The following MAGI1 variants were observed in gnomAD, a reference collection of about 807,000 sequenced individuals.
MAGI1 encodes membrane-associated guanylate kinase, WW and PDZ domain-containing protein 1.
Under a neutral mutation model 139.9 loss-of-function variants are expected in MAGI1, and 58 were observed. That is an observed-to-expected ratio of 0.41 (90% CI 0.34 to 0.52). The LOEUF (loss-of-function observed/expected upper bound fraction) is 0.52, where lower values mean the gene tolerates loss of function less well. MAGI1 is among the 20% of genes least tolerant of loss of function. The probability of loss-of-function intolerance (pLI) is 0.12; values close to 1 mark genes in which losing one functional copy is unlikely to be tolerated. For synonymous variants in MAGI1, 812 were observed against 737.9 expected (o/e 1.10, Z -1.63); for missense variants, 1,874 against 1,901.6 (o/e 0.99, Z 0.27).
At chr3:66,036,108 T>C (rs2068903679) in intron 1 of MAGI1, among the ~76,000 whole-genome samples, 1 of 152,172 alleles carries the variant, frequency 6.6e-6, no homozygotes, top group South Asian at 2.1e-4. Context: ...TCCTATGCCT[T>C]CACACAGTAT....
Position 66,038,166 on chromosome 3 carries a change from G to A in MAGI1, c.143C>T (p.Ala48Val). ...GGGAAGCCCCGCTGCCTCGACCGCC[G>A]CCACCGCTCCGACGTACGGAAACTC... is the stretch of plus-strand genomic sequence containing the variant. Reference protein sequence around the residue: ...HGEFPYVGAVAAVEAAGLPGG... With the variant: ...HGEFPYVGAVVAVEAAGLPGG... The change falls in exon 1 of 23, where the codon GCG (alanine) becomes GTG (valine). Residue 48 changes from alanine to valine, a missense_variant. By Grantham distance (64) the Ala-to-Val change is moderately conservative (BLOSUM62 0). This residue lies in a region of MAGI1 where 648 missense variants were observed against 598.1 expected (regional missense o/e 1.08). Coordinates refer to ENST00000402939, the MANE Select transcript of MAGI1 (RefSeq NM_001033057.2). 6.2e-7 allele frequency: 1 copy of A among 1,611,862 alleles called. No homozygotes were observed. Among genetic ancestry groups the A allele is most frequent in the Non-Finnish European group, 8.5e-7 (1 of 1,179,436 alleles).
At chr3:65,741,236 G>A (rs993563778) in intron 1 of MAGI1, among the ~76,000 whole-genome samples, 4 of 151,334 alleles carry the variant, frequency 2.6e-5, no homozygotes, top group South Asian at 2.1e-4. Flanking sequence ...GTGCAGTGGC[G>A]CGATCTCGGC....
intron 1 of MAGI1, among the ~76,000 whole-genome samples, chr3:65,882,569 G>A (rs1274146234): frequency 6.6e-6 from 1 of 151,980 alleles, no homozygotes; most frequent in Non-Finnish European, 1.5e-5. Flanking sequence ...GGGGAAAAAA[G>A]GAGGAGGCAA....
chr3:65,918,308 T>C (rs929183567), intron 1 of MAGI1, among the ~76,000 whole-genome samples: 1 of 152,116 alleles, frequency 6.6e-6, no homozygotes, highest in East Asian at 1.9e-4. Flanking sequence ...ACTCTACTTT[T>C]GCTTCTCTTG....
At chr3:65,656,316 C>G (rs1025853904) in intron 1 of MAGI1, among the ~76,000 whole-genome samples, 4 of 152,164 alleles carry the variant, frequency 2.6e-5, no homozygotes, top group African/African-American at 9.7e-5. Context: ...GCCTGTGACA[C>G]TGAACTGGCA....
intron 1 of MAGI1, among the ~76,000 whole-genome samples, chr3:65,798,004 C>T (rs887832070): frequency 4.6e-5 from 7 of 152,078 alleles, no homozygotes; most frequent in Non-Finnish European, 8.8e-5. Context: ...TTCAATTCTT[C>T]ACCTTAAAAA....
chr3:65,912,053 G>C (rs1301192334), intron 1 of MAGI1, among the ~76,000 whole-genome samples: 1 of 152,156 alleles, frequency 6.6e-6, no homozygotes, highest in East Asian at 1.9e-4. Flanking sequence ...GATAGAACTT[G>C]AAAGGGAAAA....
intron 15 of MAGI1, 106 bp from the exon 16 acceptor site, chr3:65,382,175 C>A: frequency 2.1e-6 from 2 of 949,024 alleles, no homozygotes; most frequent in Non-Finnish European, 3.2e-6. Context: ...TGTCTGCAGG[C>A]ATGCCGCAAA....
chr3:65,761,579 G>A (rs1473551524), intron 1 of MAGI1, among the ~76,000 whole-genome samples: 1 of 152,110 alleles, frequency 6.6e-6, no homozygotes, highest in Non-Finnish European at 1.5e-5. Flanking sequence ...ACGCAGGGAG[G>A]TTAAGAGGAG....
At chr3:65,502,428 A>T (rs963647197) in intron 2 of MAGI1, among the ~76,000 whole-genome samples, 15 of 152,184 alleles carry the variant, frequency 9.9e-5, no homozygotes, top group Admixed American at 2.6e-4. Flanking sequence ...TTGGACTGTT[A>T]TAACAGAATA....
intron 2 of MAGI1, among the ~76,000 whole-genome samples, chr3:65,535,744 T>C (rs1379846543): frequency 6.6e-6 from 1 of 152,204 alleles, no homozygotes; most frequent in African/African-American, 2.4e-5. Context: ...AGGTTTTATT[T>C]GGCAAAATGA....
At chr3:65,640,144 T>C (rs1190469931) in intron 1 of MAGI1, among the ~76,000 whole-genome samples, 2 of 152,160 alleles carry the variant, frequency 1.3e-5, no homozygotes, top group Non-Finnish European at 2.9e-5. Flanking sequence ...GTCTTCAGCT[T>C]GTCATGTGCA....
intron 1 of MAGI1, among the ~76,000 whole-genome samples, chr3:65,817,956 A>G (rs1047240887): frequency 3.3e-5 from 5 of 152,208 alleles, no homozygotes; most frequent in Non-Finnish European, 7.3e-5. Flanking sequence ...AGACCATGGT[A>G]ACTAATTGTT....
At chr3:65,361,162 C>A (rs1161789291) in intron 22 of MAGI1, 37 bp downstream of exon 22, 3 of 1,613,986 alleles carry the variant, frequency 1.9e-6, no homozygotes, top group Non-Finnish European at 2.5e-6. Flanking sequence ...TGGAGTCATG[C>A]CAGGGAAGGA....
intron 1 of MAGI1, among the ~76,000 whole-genome samples, chr3:65,667,783 C>T (rs956887417): frequency 2.6e-5 from 4 of 152,012 alleles, no homozygotes; most frequent in East Asian, 1.9e-4. Flanking sequence ...AGGCTGGTCT[C>T]GAACTCCTGG....
chr3:65,611,118 TATATA>T (rs2083069592), intron 2 of MAGI1, among the ~76,000 whole-genome samples: 1 of 139,364 alleles, frequency 7.2e-6, no homozygotes, highest in African/African-American at 2.6e-5. Flanking sequence ...ATTATATACG[TATATA>T]ATATATAGTA....
chr3:65,686,973 C>G (rs1417796538), intron 1 of MAGI1, among the ~76,000 whole-genome samples: 3 of 152,184 alleles, frequency 2.0e-5, no homozygotes, highest in Admixed American at 2.0e-4. Flanking sequence ...GCTTTTATAG[C>G]TGAAACATTC....
chr3:65,564,000 T>C (rs1371953174), intron 2 of MAGI1, among the ~76,000 whole-genome samples: 1 of 152,188 alleles, frequency 6.6e-6, no homozygotes, highest in Non-Finnish European at 1.5e-5. Context: ...CAATGGCACA[T>C]GTAATGACAT....
intron 1 of MAGI1, among the ~76,000 whole-genome samples, chr3:65,893,468 A>C (rs939387326): frequency 5.3e-5 from 8 of 152,334 alleles, no homozygotes; most frequent in Non-Finnish European, 1.0e-4. Context: ...ATTCTCAAAA[A>C]TCCAACAATA....
Sources: allele counts gnomAD v4.1 joint callset (sites outside exome capture counted in the v4.1 genomes callset), GRCh38; gene constraint gnomAD v4.1.1; regional missense constraint gnomAD v4.1.1; transcripts MANE v1.5; gene names NCBI Gene and HGNC (gene_info 2026-07-23, HGNC 2026-07-21).